Variants in LRP1B observed in about 807,000 individuals in gnomAD.
LRP1B encodes the protein low-density lipoprotein receptor-related protein 1B.
A neutral mutation model predicts 556.6 loss-of-function variants in LRP1B; 217 were observed. That is an observed-to-expected ratio of 0.39 (90% CI 0.35 to 0.44). The LOEUF (loss-of-function observed/expected upper bound fraction) is 0.44, where lower values mean the gene tolerates loss of function less well. Among genes scored for constraint, LRP1B ranks in the 20% least tolerant of loss-of-function variants. The pLI is 1.00. For missense variants in LRP1B, 5,053 were observed against 5,620.8 expected, an observed-to-expected ratio of 0.90 and a Z score of 3.23; for synonymous variants, 2,047 against 1,865.8, an observed-to-expected ratio of 1.10 and a Z score of -2.50.
At chr2:140,255,360 AAT>A (rs1681627646) in intron 86 of LRP1B, among the ~76,000 whole-genome samples, 1 of 152,158 alleles carries the variant, frequency 6.6e-6, no homozygotes, top group South Asian at 2.1e-4. Flanking sequence ...AATGCTATAA[AAT>A]ATTACAGTAG....
At chr2:140,956,076 A>C (rs2052910) in intron 18 of LRP1B, among the ~76,000 whole-genome samples, 90,190 of 151,466 alleles carry the variant, frequency 0.6, 28,807 homozygotes, top group Non-Finnish European at 0.7. Context: ...AGATTTAGGA[A>C]AGTATTATCT....
chr2:140,989,546 T>C lies in LRP1B; in HGVS notation c.2756A>G (p.Asn919Ser), dbSNP rs200549263. 2.7e-5 allele frequency: 43 copies of C among 1,613,188 alleles called. No individual in the cohort carries two copies. The highest frequency in any genetic ancestry group is 6.7e-5 in the African/African-American group (5 of 74,974). Reference sequence around the variant, plus strand: ...CAAACCTTTACCTGTGCAAGTTTGATTGGATTCATCTTCATTGCTCCCACA... The same window carrying C: ...CAAACCTTTACCTGTGCAAGTTTGACTGGATTCATCTTCATTGCTCCCACA... ...NDCGSNEDES[N>S]QTCTARTCQV... The change falls in exon 17 of 91, where the codon AAT becomes AGT. Residue 919 changes from asparagine (N) to serine (S), a missense_variant. Asn to Ser is a conservative substitution (Grantham distance 46, BLOSUM62 1). This residue lies in a region of LRP1B where 3,619 missense variants were observed against 3,931.9 expected (regional missense o/e 0.92). Coordinates refer to ENST00000389484, the MANE Select transcript of LRP1B (RefSeq NM_018557.3).
chr2:141,641,088 A>T (rs1462439840), intron 2 of LRP1B, among the ~76,000 whole-genome samples: 3 of 152,286 alleles, frequency 2.0e-5, no homozygotes, highest in African/African-American at 7.2e-5. Context: ...TATATTTTCT[A>T]TTCCTCATTA....
chr2:141,262,230 G>A (rs115575826), intron 3 of LRP1B, among the ~76,000 whole-genome samples: 1 of 151,682 alleles, frequency 6.6e-6, no homozygotes, highest in Non-Finnish European at 1.5e-5. Flanking sequence ...ACTGTTATTA[G>A]GTTGTTTTCT....
intron 3 of LRP1B, among the ~76,000 whole-genome samples, chr2:141,292,678 AT>A (rs1476571039): frequency 6.6e-6 from 1 of 152,186 alleles, no homozygotes; most frequent in East Asian, 1.9e-4. Flanking sequence ...AAAAATTATC[AT>A]GAGAAAATCA....
chr2:142,071,401 T>G (rs1228281534), intron 1 of LRP1B, among the ~76,000 whole-genome samples: 1 of 151,974 alleles, frequency 6.6e-6, no homozygotes. Context: ...GTCAGCAAAT[T>G]GTGACATTTG....
chr2:140,424,875 C>T (rs1685590826), intron 66 of LRP1B, among the ~76,000 whole-genome samples: 1 of 152,202 alleles, frequency 6.6e-6, no homozygotes, highest in African/African-American at 2.4e-5. Flanking sequence ...TTCTCTGACA[C>T]TTAACTAATC....
chr2:142,123,758 T>C (rs558392015), intron 1 of LRP1B, among the ~76,000 whole-genome samples: 1 of 151,976 alleles, frequency 6.6e-6, no homozygotes, highest in African/African-American at 2.4e-5. Flanking sequence ...TATAATATTA[T>C]TCATGTTTAA....
intron 2 of LRP1B, among the ~76,000 whole-genome samples, chr2:141,486,568 G>C (rs537050844): frequency 1.3e-5 from 2 of 151,918 alleles, no homozygotes; most frequent in African/African-American, 4.8e-5. Context: ...ATATCTTAGC[G>C]GAAACAGCAT....
intron 6 of LRP1B, among the ~76,000 whole-genome samples, chr2:141,195,894 C>A (rs1039053585): frequency 6.6e-6 from 1 of 151,976 alleles, no homozygotes; most frequent in African/African-American, 2.4e-5. Context: ...GGAAGCCATC[C>A]TGAGAAGGAT....
chr2:141,170,422 A>G (rs1405767622), intron 7 of LRP1B, among the ~76,000 whole-genome samples: 1 of 152,096 alleles, frequency 6.6e-6, no homozygotes, highest in East Asian at 1.9e-4. Context: ...CTGTGACTTC[A>G]GTAGTGAGAA....
intron 35 of LRP1B, among the ~76,000 whole-genome samples, chr2:140,733,646 A>C (rs574882801): frequency 1.2e-4 from 19 of 152,274 alleles, no homozygotes; most frequent in African/African-American, 4.3e-4. Flanking sequence ...TTTATATAAA[A>C]CTGTAGAATA....
At chr2:141,218,196 T>C (rs1385312477) in intron 6 of LRP1B, among the ~76,000 whole-genome samples, 3 of 152,182 alleles carry the variant, frequency 2.0e-5, no homozygotes, top group Non-Finnish European at 4.4e-5. Flanking sequence ...GGATTGTAAA[T>C]TCGTTCAGCC....
chr2:141,462,192 T>C (rs1018953893), intron 3 of LRP1B, among the ~76,000 whole-genome samples: 3 of 152,192 alleles, frequency 2.0e-5, no homozygotes, highest in Non-Finnish European at 4.4e-5. Flanking sequence ...GTTCCTTGTC[T>C]AGCCCATCAA....
At chr2:140,288,757 A>C (rs972875226) in intron 84 of LRP1B, among the ~76,000 whole-genome samples, 6 of 151,904 alleles carry the variant, frequency 3.9e-5, no homozygotes, top group African/African-American at 1.2e-4. Flanking sequence ...AGATTTCCCA[A>C]CAGATATTTA....
chr2:140,396,544 G>T (rs532956678), intron 66 of LRP1B, among the ~76,000 whole-genome samples: 1 of 152,086 alleles, frequency 6.6e-6, no homozygotes, highest in African/African-American at 2.4e-5. Context: ...AACAGAGGGC[G>T]ATTATTTATC....
chr2:142,003,751 G>T (rs1367455953), intron 1 of LRP1B, among the ~76,000 whole-genome samples: 3 of 152,178 alleles, frequency 2.0e-5, no homozygotes, highest in Non-Finnish European at 4.4e-5. Flanking sequence ...CCACAATCCG[G>T]CACTTTGCTA....
intron 79 of LRP1B, among the ~76,000 whole-genome samples, chr2:140,333,160 T>TA (rs1255632019): frequency 1.3e-5 from 2 of 152,020 alleles, no homozygotes; most frequent in African/African-American, 2.4e-5. Flanking sequence ...TCTATTTTCT[T>TA]AAAAAACTCT....
At chr2:141,883,183 C>G (rs1699010160) in intron 1 of LRP1B, among the ~76,000 whole-genome samples, 1 of 152,084 alleles carries the variant, frequency 6.6e-6, no homozygotes. Flanking sequence ...TCAAATGGAA[C>G]AAGCCAACAA....
Sources: allele counts gnomAD v4.1 joint callset (sites outside exome capture counted in the v4.1 genomes callset), GRCh38; gene constraint gnomAD v4.1.1; regional missense constraint gnomAD v4.1.1; transcripts MANE v1.5; gene names NCBI Gene and HGNC (gene_info 2026-07-23, HGNC 2026-07-21).